The following LCLAT1 variants were observed in gnomAD, a reference collection of about 807,000 sequenced individuals.
The protein encoded by LCLAT1 is lysocardiolipin acyltransferase 1.
LCLAT1 carries 11 observed loss-of-function variants against 30.7 expected under a neutral mutation model. The ratio of observed to expected loss-of-function variants is 0.36; its 90% CI spans 0.23 to 0.59. LCLAT1 has a LOEUF of 0.59. Ranked by LOEUF, LCLAT1 falls within the 20% of genes least tolerant of loss-of-function variation. LCLAT1 has a pLI of 0.77. For missense variants in LCLAT1, 402 were observed against 458.6 expected (o/e 0.88, Z 1.13); for synonymous variants, 155 against 151.3 (o/e 1.02, Z -0.18).
intron 5 of LCLAT1, among the ~76,000 whole-genome samples, chr2:30,615,873 T>A (rs538793725): frequency 1.3e-5 from 2 of 152,192 alleles, no homozygotes; most frequent in African/African-American, 4.8e-5. Context: ...TTCAGACTGA[T>A]TGAATGATCA....
chr2:30,462,554 CTTAAGT>C (rs1414617774), intron 1 of LCLAT1, among the ~76,000 whole-genome samples: 6 of 152,172 alleles, frequency 3.9e-5, no homozygotes, highest in African/African-American at 1.2e-4. Flanking sequence ...ACAATGAATA[CTTAAGT>C]TTATCTGGGG....
intron 5 of LCLAT1, among the ~76,000 whole-genome samples, chr2:30,578,247 A>G (rs1666074949): frequency 6.6e-6 from 1 of 152,192 alleles, no homozygotes; most frequent in Non-Finnish European, 1.5e-5. Context: ...CCAAAGTTTT[A>G]AATTCCTATT....
chr2:30,468,853 A>G (rs972488867), intron 1 of LCLAT1, among the ~76,000 whole-genome samples: 3 of 152,118 alleles, frequency 2.0e-5, no homozygotes, highest in Non-Finnish European at 2.9e-5. Flanking sequence ...AGAAACTGCT[A>G]TTTTACATTC....
chr2:30,635,489 AGT>A (rs1668979900), intron 5 of LCLAT1, among the ~76,000 whole-genome samples: 1 of 152,154 alleles, frequency 6.6e-6, no homozygotes, highest in African/African-American at 2.4e-5. Flanking sequence ...CTAACATTAC[AGT>A]GTTACTCTTT....
chr2:30,582,758 C>T (rs146145517), intron 5 of LCLAT1, among the ~76,000 whole-genome samples: 454 of 152,256 alleles, frequency 3.0e-3, no homozygotes, highest in Non-Finnish European at 5.0e-3. Flanking sequence ...GGCCCTATAA[C>T]GTTTGGCTAG....
intron 3 of LCLAT1, among the ~76,000 whole-genome samples, chr2:30,547,094 G>A (rs1433064185): frequency 6.6e-6 from 1 of 152,158 alleles, no homozygotes; most frequent in Non-Finnish European, 1.5e-5. Context: ...GCTACCTACA[G>A]TAGGTAAAGG....
chr2:30,614,284 C>G (rs1007316954), intron 5 of LCLAT1, among the ~76,000 whole-genome samples: 1 of 134,120 alleles, frequency 7.5e-6, no homozygotes, highest in Non-Finnish European at 1.6e-5. Flanking sequence ...ACACAGCACA[C>G]GTTTCAGAGA....
intron 5 of LCLAT1, among the ~76,000 whole-genome samples, chr2:30,582,421 A>C (rs890157802): frequency 6.6e-6 from 1 of 152,164 alleles, no homozygotes; most frequent in African/African-American, 2.4e-5. Flanking sequence ...CCTCTTCACA[A>C]TGGCAGTGAT....
intron 3 of LCLAT1, among the ~76,000 whole-genome samples, chr2:30,560,410 C>G (rs1665153717): frequency 6.6e-6 from 1 of 151,960 alleles, no homozygotes; most frequent in Non-Finnish European, 1.5e-5. Flanking sequence ...ACGATCTCAG[C>G]TCACTGCACC....
At chr2:30,450,468 A>G (rs1681491281) in intron 1 of LCLAT1, among the ~76,000 whole-genome samples, 1 of 152,222 alleles carries the variant, frequency 6.6e-6, no homozygotes, top group Non-Finnish European at 1.5e-5. Flanking sequence ...GATTAGATGC[A>G]TAGCTTCCAC....
At position 30,467,909 on chromosome 2, in the gene LCLAT1, A is replaced by G. The variant is rs369173561; in HGVS notation, c.-5+20526A>G. ...TAAGTTGCCTGTTCACTCTGATGGT[A>G]CTTTCTTTTGCTGTGCAGAAGCTCT... On this transcript the variant is annotated intron_variant, in intron 1 of 5. Coordinates refer to ENST00000379509, the MANE Select transcript of LCLAT1 (RefSeq NM_001002257.3). 7.8e-4 allele frequency among the ~76,000 whole-genome samples: 119 copies of G among 152,256 alleles called. No homozygotes were observed. The East Asian group carries it at 0.018, about 22-fold the overall frequency.
intron 3 of LCLAT1, among the ~76,000 whole-genome samples, chr2:30,558,835 G>A (rs1420553481): frequency 6.6e-6 from 1 of 152,150 alleles, no homozygotes; most frequent in African/African-American, 2.4e-5. Flanking sequence ...ACCCTATGAG[G>A]CATCAGTTTC....
intron 1 of LCLAT1, among the ~76,000 whole-genome samples, chr2:30,505,418 G>A (rs1045976541): frequency 4.7e-5 from 7 of 150,426 alleles, no homozygotes; most frequent in Non-Finnish European, 1.0e-4. Flanking sequence ...TAGTGAAGTC[G>A]AACATTTCTT....
chr2:30,542,256 C>T (rs1453284509), intron 3 of LCLAT1, among the ~76,000 whole-genome samples: 1 of 152,096 alleles, frequency 6.6e-6, no homozygotes, highest in South Asian at 2.1e-4. Context: ...ATTGTTCTTT[C>T]TTTGTCTGAC....
intron 1 of LCLAT1, among the ~76,000 whole-genome samples, chr2:30,508,313 C>A (rs186804612): frequency 3.2e-4 from 49 of 152,166 alleles, no homozygotes; most frequent in African/African-American, 1.2e-3. Flanking sequence ...TTCTTGCTTT[C>A]GTTGCAGTTA....
At chr2:30,507,111 A>G (rs1684702652) in intron 1 of LCLAT1, among the ~76,000 whole-genome samples, 1 of 152,234 alleles carries the variant, frequency 6.6e-6, no homozygotes, top group African/African-American at 2.4e-5. Context: ...GCAATAATTG[A>G]CGTTAGTGTT....
At chr2:30,461,526 G>T (rs1354703435) in intron 1 of LCLAT1, among the ~76,000 whole-genome samples, 1 of 152,042 alleles carries the variant, frequency 6.6e-6, no homozygotes, top group East Asian at 1.9e-4. Context: ...CTCCTGAGTG[G>T]CTGAGACTAC....
In LCLAT1 at chr2:30,584,059, G is replaced by T. The variant is rs566084959; in HGVS notation, c.628+15883G>T. On this transcript the variant is annotated intron_variant, in intron 5 of 5. Transcript: ENST00000379509. ...CTCTCAGCAGGCCCTGGTGTGTGTTGTTCCCCTCCCTGTGTCCATGTGTTC... is the reference window on the plus strand; with the variant it reads ...CTCTCAGCAGGCCCTGGTGTGTGTTTTTCCCCTCCCTGTGTCCATGTGTTC... 3.3e-5 allele frequency among the ~76,000 whole-genome samples: 5 copies of T among 151,962 alleles called. No individual in the cohort carries two copies. In the South Asian group the frequency reaches 1.0e-3, roughly 32 times the overall value.
intron 5 of LCLAT1, chr2:30,607,035 A>T (rs1667476646): frequency 6.6e-6 from 1 of 152,142 alleles, no homozygotes; most frequent in Non-Finnish European, 1.5e-5. Flanking sequence ...CCACAATGAG[A>T]TACCATCTCA....
Sources: gnomAD v4.1 joint callset for allele counts (sites outside exome capture counted in the v4.1 genomes callset) on GRCh38, gnomAD v4.1.1 for gene constraint, MANE v1.5 for transcripts, NCBI Gene and HGNC (gene_info 2026-07-23, HGNC 2026-07-21) for gene names.